Variants in MYO9A observed in about 807,000 individuals in gnomAD.
MYO9A encodes myosin IXA.
MYO9A carries 103 observed loss-of-function variants against 293.3 expected under a neutral mutation model. The observed-to-expected ratio is 0.35, with a 90% CI of 0.30 to 0.41. The LOEUF (loss-of-function observed/expected upper bound fraction) is 0.41. MYO9A is among the 10% of genes least tolerant of loss of function. MYO9A has a pLI of 1.00. For synonymous variants in MYO9A, 1,001 were observed against 1,035.7 expected (o/e 0.97, Z 0.64); for missense variants, 2,685 against 3,033.0 (o/e 0.89, Z 2.69).
At chr15:71,955,623 T>C (rs1190234316) in intron 14 of MYO9A, among the ~76,000 whole-genome samples, 1 of 152,244 alleles carries the variant, frequency 6.6e-6, no homozygotes, top group African/African-American at 2.4e-5. Flanking sequence ...ATTCAGGAAC[T>C]ATTATGAATA....
intron 5 of MYO9A, 23 bp from the exon 6 acceptor site, chr15:72,019,118 A>G (rs1280884977): frequency 8.8e-6 from 14 of 1,589,374 alleles, no homozygotes; most frequent in Non-Finnish European, 9.5e-6. Context: ...CAGATTAGTT[A>G]GGTAGAAGTA....
chr15:71,828,082 A>G, intron 40 of MYO9A, 56 bp from the exon 41 acceptor site: 1 of 1,559,588 alleles, frequency 6.4e-7, no homozygotes, highest in Non-Finnish European at 8.7e-7. Flanking sequence ...AAGGAAGATA[A>G]CAGAAAAAAA....
chr15:71,888,010 T>A lies in MYO9A; in HGVS notation c.5249A>T (p.Asp1750Val). The A allele has an allele frequency of 6.4e-7, 1 of 1,556,460 alleles. No individual in the cohort carries two copies. Residue 1750 changes from aspartate (D) to valine (V), a missense_variant, in exon 27 of 42, where the codon GAT (aspartate) becomes GTT (valine). This residue lies in a region of MYO9A where 1,434 missense variants were observed against 1,497.7 expected (regional missense o/e 0.96). Transcript: ENST00000356056. ...CTCCGTGTATACTTTATACCTTATA[T>A]CTGAATCTGAAGCCTTCTGTCTCAC... is the stretch of plus-strand genomic sequence containing the variant. ...LAVRQKASDS[D>V]IRPQRAKMRF...
At position 71,938,940 on chromosome 15, in the gene MYO9A, A is replaced by T. The variant is rs193124733; in HGVS notation, c.2303-13T>A. The stretch of plus-strand genomic sequence containing the variant: ...TTCCGGGTTATACCTAGCAAAATTT[A>T]AAAAACAGAAAATTTCAAATCAGTG... On this transcript the variant is annotated splice_polypyrimidine_tract_variant and intron_variant, in intron 15 of 41. Coordinates refer to ENST00000356056, the MANE Select transcript of MYO9A (RefSeq NM_006901.4). The T allele has an allele frequency of 3.1e-4, 498 of 1,588,762 alleles. 1 individual carries two copies. In the African/African-American group the frequency reaches 4.9e-3, roughly 16 times the overall value.
chr15:71,976,469 T>A (rs2147757829), intron 12 of MYO9A, among the ~76,000 whole-genome samples: 1 of 152,324 alleles, frequency 6.6e-6, no homozygotes. Context: ...ATAATCTTTT[T>A]TCTTGGATTG....
At chr15:71,849,005 G>C (rs2055513178) in intron 38 of MYO9A, 37 bp from the exon 39 acceptor site, 2 of 1,548,500 alleles carry the variant, frequency 1.3e-6, no homozygotes, top group African/African-American at 1.4e-5. Context: ...CTGTTAAGAG[G>C]TGAAGTAAAT....
chr15:71,852,192 G>C lies in MYO9A; in HGVS notation c.6415C>G (p.Arg2139Gly). 6.2e-7 allele frequency: 1 copy of C among 1,613,684 alleles called. No individual in the cohort carries two copies. Among genetic ancestry groups the C allele is most frequent in the Non-Finnish European group, 8.5e-7 (1 of 1,179,718 alleles). ...VIASVFKQWL[R>G]DLPNPLMTFE... ...GTCATGAGAGGATTGGGCAAATCTC[G>C]AAGCCATTGTTTGAATACACTTGCA... The change falls in exon 36 of 42, where the codon CGA becomes GGA. Residue 2139 changes from arginine to glycine, a missense_variant. By Grantham distance (125) the Arg-to-Gly change is moderately radical. Around this residue, in one of 10 missense-constraint regions of MYO9A, gnomAD observed 238 missense variants for 269.1 expected, o/e 0.88. Transcript: ENST00000356056.
intron 11 of MYO9A, among the ~76,000 whole-genome samples, chr15:71,979,932 A>G (rs2076232175): frequency 6.6e-6 from 1 of 152,188 alleles, no homozygotes; most frequent in East Asian, 1.9e-4. Context: ...ATTATTGAGG[A>G]GAGAGAAGGA....
At chr15:71,927,647 A>T (rs2929515) in intron 18 of MYO9A, among the ~76,000 whole-genome samples, 2 of 152,096 alleles carry the variant, frequency 1.3e-5, no homozygotes, top group African/African-American at 4.8e-5. Context: ...ACATTTGGTC[A>T]CAGATGTAGA....
intron 33 of MYO9A, among the ~76,000 whole-genome samples, 197 bp from the exon 34 acceptor site, chr15:71,859,993 C>A (rs2056048535): frequency 6.6e-6 from 1 of 152,068 alleles, no homozygotes; most frequent in Non-Finnish European, 1.5e-5. Context: ...AAGTTGAAAA[C>A]ATGATCAAAA....
intron 13 of MYO9A, among the ~76,000 whole-genome samples, chr15:71,961,077 A>T (rs1346153658): frequency 1.3e-5 from 2 of 152,256 alleles, no homozygotes; most frequent in Admixed American, 6.5e-5. Context: ...CTGGTGTCTT[A>T]TACATTGGTT....
At chr15:72,022,244 A>G (rs2077521977) in intron 4 of MYO9A, among the ~76,000 whole-genome samples, 1 of 152,150 alleles carries the variant, frequency 6.6e-6, no homozygotes, top group South Asian at 2.1e-4. Context: ...TTTTTTGGCC[A>G]GGCGTGGTGG....
chr15:72,019,665 T>C (rs1042253544), intron 5 of MYO9A, among the ~76,000 whole-genome samples: 2 of 152,236 alleles, frequency 1.3e-5, no homozygotes, highest in Admixed American at 1.3e-4. Flanking sequence ...CATTAGTTTA[T>C]ATTAATATAG....
At chr15:71,913,625 A>T in intron 19 of MYO9A, among the ~76,000 whole-genome samples, 1 of 149,500 alleles carries the variant, frequency 6.7e-6, no homozygotes, top group African/African-American at 2.5e-5. Context: ...TTTTTTCCTG[A>T]CTCTTTGCCT....
At position 72,046,571 on chromosome 15, in the gene MYO9A, C is replaced by G. The variant is rs781432315; in HGVS notation, c.-8G>C. 1 of 1,575,360 alleles carries G rather than the reference C, an allele frequency of 6.3e-7. No individual in the cohort carries two copies. The highest frequency in any genetic ancestry group is 1.4e-5 in the African/African-American group (1 of 73,560). ...TCCATCATTTATATTCATATTGGAT[C>G]CTGTCCCATCAGCATGGATAGTATA... On this transcript the variant is annotated 5_prime_UTR_variant, in exon 2 of 42. Transcript: ENST00000356056.
intron 6 of MYO9A, among the ~76,000 whole-genome samples, chr15:72,011,339 A>G (rs1464981997): frequency 6.6e-6 from 1 of 150,820 alleles, no homozygotes; most frequent in Non-Finnish European, 1.5e-5. Flanking sequence ...ATATATACAT[A>G]TATAATTATT....
At chr15:72,040,620 G>C (rs945008508) in intron 2 of MYO9A, among the ~76,000 whole-genome samples, 1 of 152,146 alleles carries the variant, frequency 6.6e-6, no homozygotes, top group African/African-American at 2.4e-5. Context: ...TTTTGAGACG[G>C]AGTCTCGCTC....
chr15:72,117,503 G>A (rs1414612162), intron 1 of MYO9A, among the ~76,000 whole-genome samples, 177 bp downstream of exon 1: 1 of 152,114 alleles, frequency 6.6e-6, no homozygotes, highest in East Asian at 1.9e-4. Context: ...GATACAGGGG[G>A]TGGGGTCTAC....
At chr15:72,097,783 G>A (rs137884015) in intron 1 of MYO9A, among the ~76,000 whole-genome samples, 1,793 of 152,158 alleles carry the variant, frequency 0.012, 56 homozygotes, top group Admixed American at 0.058. Flanking sequence ...GGTGGCGTGC[G>A]CCTGTAGTCT....
Sources: gnomAD v4.1 joint callset for allele counts (sites outside exome capture counted in the v4.1 genomes callset) on GRCh38, gnomAD v4.1.1 for gene constraint, gnomAD v4.1.1 regional missense constraint, MANE v1.5 for transcripts, NCBI Gene and HGNC (gene_info 2026-07-23, HGNC 2026-07-21) for gene names.